The following RYR3 variants were observed in gnomAD, a reference collection of about 807,000 sequenced individuals.
RYR3 encodes the protein brain ryanodine receptor-calcium release channel.
Under a neutral mutation model 584.3 loss-of-function variants are expected in RYR3, and 207 were observed. The observed-to-expected ratio is 0.35, with a 90% CI of 0.32 to 0.40. RYR3 has a LOEUF of 0.40. RYR3 is among the 10% of genes least tolerant of loss of function. The pLI is 1.00. For missense variants in RYR3, 5,616 were observed against 6,089.2 expected, an observed-to-expected ratio of 0.92 and a Z score of 2.59; for synonymous variants, 2,416 against 2,248.5, an observed-to-expected ratio of 1.07 and a Z score of -2.11.
intron 1 of RYR3, among the ~76,000 whole-genome samples, chr15:33,395,394 G>A (rs758377584): frequency 1.8e-4 from 28 of 152,296 alleles, no homozygotes; most frequent in South Asian, 4.1e-4. Flanking sequence ...CTTAAAAACC[G>A]AAACTTAAAA....
chr15:33,538,206 G>C (rs1027337113), intron 5 of RYR3, among the ~76,000 whole-genome samples: 1 of 152,064 alleles, frequency 6.6e-6, no homozygotes, highest in African/African-American at 2.4e-5. Flanking sequence ...TCGGTTGTCA[G>C]GTGGTCCTTG....
chr15:33,746,902 G>A (rs1019544048), intron 53 of RYR3, among the ~76,000 whole-genome samples: 2 of 144,366 alleles, frequency 1.4e-5, no homozygotes, highest in African/African-American at 5.2e-5. Context: ...TCCACCTTCC[G>A]GGCTCAAGTG....
chr15:33,595,208 A>G (rs868368746), intron 16 of RYR3, among the ~76,000 whole-genome samples: 2 of 152,250 alleles, frequency 1.3e-5, no homozygotes, highest in Admixed American at 6.5e-5. Context: ...CAAGCATTTC[A>G]AAAAGTGAAA....
intron 1 of RYR3, among the ~76,000 whole-genome samples, chr15:33,416,720 T>A (rs1256538054): frequency 2.0e-5 from 3 of 152,216 alleles, no homozygotes; most frequent in Non-Finnish European, 4.4e-5. Context: ...AATTTTTGTT[T>A]CTGTTACATT....
At position 33,624,386 on chromosome 15, in the gene RYR3, A is replaced by T. The variant is rs544125925; in HGVS notation, c.2574+363A>T. On this transcript the variant is annotated intron_variant, in intron 20 of 103. Coordinates refer to ENST00000634891, the MANE Select transcript of RYR3 (RefSeq NM_001036.6). ...CAGTATGCACCAGTAAATACTAGAG[A>T]AATCCTTTAGGCTAGAATGTTTCTA... Among the ~76,000 whole-genome samples, 14 of 152,358 alleles carry T rather than the reference A, an allele frequency of 9.2e-5. No homozygotes were observed. In the East Asian group the frequency reaches 1.3e-3, roughly 15 times the overall value.
chr15:33,546,817 A>C (rs143978075), intron 8 of RYR3, among the ~76,000 whole-genome samples: 217 of 152,258 alleles, frequency 1.4e-3, no homozygotes, highest in South Asian at 2.7e-3. Context: ...AAAAAAAAAT[A>C]AGTATACATT....
At position 33,755,061 on chromosome 15, in the gene RYR3, G is replaced by T; in HGVS notation, c.8400-4G>T. 1 of 1,577,246 alleles carries T rather than the reference G, an allele frequency of 6.3e-7. No homozygotes were observed. Among genetic ancestry groups the T allele is most frequent in the Non-Finnish European group, 8.7e-7 (1 of 1,147,596 alleles). On this transcript the variant is annotated splice_region_variant and splice_polypyrimidine_tract_variant and intron_variant, in intron 57 of 103. Transcript: ENST00000634891. ...TTCCTGGGGTCTGTCCATGTCCAAC[G>T]TAGGGGTATGAAGGATATGGAGCTG... is the stretch of plus-strand genomic sequence containing the variant.
At chr15:33,602,258 C>T (rs1284256749) in intron 17 of RYR3, among the ~76,000 whole-genome samples, 1 of 152,196 alleles carries the variant, frequency 6.6e-6, no homozygotes, top group African/African-American at 2.4e-5. Context: ...TCTTTGCCTA[C>T]CCAAAATAGG....
At chr15:33,859,516 A>G in intron 99 of RYR3, 59 bp from the exon 100 acceptor site, 1 of 1,585,074 alleles carries the variant, frequency 6.3e-7, no homozygotes, top group Non-Finnish European at 8.7e-7. Context: ...TGATCTGAGC[A>G]TCTTGCTAAA....
rs1052915829 is a variant in RYR3, at chr15:33,390,390, A to G, written c.51+79294A>G. ...AACACTAATATTTCCAAACACTGAT[A>G]TTTCCAAACTGATATTTGCAGGACC... On this transcript the variant is annotated intron_variant, in intron 1 of 103. Transcript: ENST00000634891. The surrounding 1 kb of genome is among the most constrained non-coding windows in gnomAD (Gnocchi z 4.2). Among the ~76,000 whole-genome samples, 3 of 152,204 alleles carry G rather than the reference A, an allele frequency of 2.0e-5. No homozygotes were observed. Among genetic ancestry groups the G allele is most frequent in the African/African-American group, 4.8e-5 (2 of 41,450 alleles).
intron 43 of RYR3, among the ~76,000 whole-genome samples, chr15:33,715,731 T>C (rs1000122261): frequency 3.3e-5 from 5 of 152,150 alleles, no homozygotes; most frequent in African/African-American, 9.7e-5. Flanking sequence ...TGTTGCTGCA[T>C]CCTCTGGAGA....
In RYR3 at chr15:33,853,564, A is replaced by G; in HGVS notation, c.13681A>G (p.Lys4561Glu). The G allele has an allele frequency of 2.5e-6, 4 of 1,613,688 alleles. No individual in the cohort carries two copies. The highest frequency in any genetic ancestry group is 3.4e-6 in the Non-Finnish European group (4 of 1,179,740). The change falls in exon 96 of 104, where the codon AAG becomes GAG. Residue 4561 changes from lysine to glutamate, a missense_variant. Lys to Glu is a moderately conservative substitution (Grantham distance 56). This residue lies in a region of RYR3 where 918 missense variants were observed against 887.4 expected (regional missense o/e 1.03). Transcript: ENST00000634891. Reference protein sequence around the residue: ...DKFVKRKVINKYGDLYGAERI... With the variant: ...DKFVKRKVINEYGDLYGAERI... ...TCATCCTTTGCTTCAGGTGATCAAC[A>G]AGTATGGAGATCTCTACGGAGCAGA... is the stretch of plus-strand genomic sequence containing the variant.
At chr15:33,836,271 G>A (rs141978042) in intron 87 of RYR3, among the ~76,000 whole-genome samples, 2 of 151,460 alleles carry the variant, frequency 1.3e-5, no homozygotes, top group East Asian at 3.9e-4. Context: ...GCCCACCTCA[G>A]ATCTTCCAAG....
chr15:33,388,288 A>G (rs2041764724), intron 1 of RYR3, among the ~76,000 whole-genome samples: 1 of 152,246 alleles, frequency 6.6e-6, no homozygotes, highest in African/African-American at 2.4e-5. Flanking sequence ...GTGTAAGAAT[A>G]GAACACAGAT....
At chr15:33,473,711 G>A (rs554883970) in intron 2 of RYR3, among the ~76,000 whole-genome samples, 173 bp downstream of exon 2, 41 of 152,354 alleles carry the variant, frequency 2.7e-4, no homozygotes, top group Middle Eastern at 6.8e-3. Flanking sequence ...CCTAGGAATC[G>A]TTGATGTAGG....
intron 1 of RYR3, among the ~76,000 whole-genome samples, chr15:33,409,338 C>CA (rs1351348026): frequency 7.6e-6 from 1 of 132,062 alleles, no homozygotes. Flanking sequence ...ACTTGAGTTT[C>CA]AAAAAATCTA....
chr15:33,813,737 G>A lies in RYR3; in HGVS notation c.10502+158G>A, dbSNP rs2076665383. ...CTGCATAGTATAAGGGCCTGGCTAA[G>A]ACAATCAAGGTAAGCATAAAAACTG... is the stretch of plus-strand genomic sequence containing the variant. On this transcript the variant is annotated intron_variant, in intron 74 of 103. Transcript: ENST00000634891. The A allele has an allele frequency of 1.0e-5, 6 of 593,210 alleles. No homozygotes were observed. In the South Asian group the frequency reaches 1.3e-4, roughly 13 times the overall value. The allele number at this position is 593,210 out of a possible 1,614,324, so 36.7% of individuals were successfully genotyped here.
rs1887989374 is a variant in RYR3, at chr15:33,860,989, T to G, written c.14365-89T>G. Reference sequence around the variant, plus strand: ...AAAAGCATTAGAAAGAAAGTTTTCATTATCCTTCAATTCGATAGAATCATG... The same window carrying G: ...AAAAGCATTAGAAAGAAAGTTTTCAGTATCCTTCAATTCGATAGAATCATG... On this transcript the variant is annotated intron_variant, in intron 101 of 103. Coordinates refer to ENST00000634891, the MANE Select transcript of RYR3 (RefSeq NM_001036.6). 2.8e-6 allele frequency: 3 copies of G among 1,060,638 alleles called. No homozygotes were observed. In the South Asian group the frequency reaches 4.1e-5, roughly 15 times the overall value. The allele number at this position is 1,060,638 out of a possible 1,614,324, so 65.7% of individuals were successfully genotyped here.
rs573178366 is a variant in RYR3, at chr15:33,324,502, A to C, written c.51+13406A>C. 1.9e-4 allele frequency among the ~76,000 whole-genome samples: 29 copies of C among 152,280 alleles called. No individual in the cohort carries two copies. The South Asian group carries it at 5.8e-3, about 31-fold the overall frequency. ...AATAGAGGAGGGGTTCTAATGTTAA[A>C]TGTTTCTTTCTTTACCGCCTACCTT... On this transcript the variant is annotated intron_variant, in intron 1 of 103. Transcript: ENST00000634891.
Sources: gnomAD v4.1 joint callset for allele counts (sites outside exome capture counted in the v4.1 genomes callset) on GRCh38, gnomAD v4.1.1 for gene constraint, gnomAD v4.1.1 regional missense constraint, Gnocchi (gnomAD v3.1) non-coding constraint, MANE v1.5 for transcripts, NCBI Gene and HGNC (gene_info 2026-07-23, HGNC 2026-07-21) for gene names.